COL11A1: variants seen among roughly 807,000 people sequenced by gnomAD.
COL11A1 encodes collagen type XI alpha 1 chain, also known as collagen alpha-1(XI) chain.
A neutral mutation model predicts 265.2 loss-of-function variants in COL11A1; 74 were observed. That is an observed-to-expected ratio of 0.28 (90% confidence interval 0.23 to 0.34). The LOEUF (loss-of-function observed/expected upper bound fraction) is 0.34, where lower values mean the gene tolerates loss of function less well. COL11A1 is among the 10% of genes least tolerant of loss of function. The pLI is 1.00. For missense variants in COL11A1, 2,165 were observed against 2,263.6 expected, an observed-to-expected ratio of 0.96 and a Z score of 0.88; for synonymous variants, 816 against 727.6, an observed-to-expected ratio of 1.12 and a Z score of -1.96.
intron 41 of COL11A1, among the ~76,000 whole-genome samples, chr1:102,953,252 T>C (rs1049218988): frequency 1.3e-5 from 2 of 152,146 alleles, no homozygotes; most frequent in African/African-American, 4.8e-5. Flanking sequence ...TTTTGATTTT[T>C]CTTTTTTTTT....
rs1890044 is a variant in COL11A1 at position 103,104,389 on chromosome 1, T to C, written c.106+3684A>G. Among the ~76,000 whole-genome samples the C allele has an allele frequency of 2.9e-3, 449 of 152,238 alleles. 3 individuals carry two copies. Among genetic ancestry groups the C allele is most frequent in the African/African-American group, 9.1e-3 (378 of 41,572 alleles). ...GCTGTATTTTAAGGATAACTTAACA[T>C]GAACAACCATGTGGTTCTATTTTAG... On this transcript the variant is annotated intron_variant, in intron 1 of 66. Transcript: ENST00000370096.
rs546012657 is a variant in COL11A1, at chr1:103,059,434, T to C, written c.651+15184A>G. 4.6e-5 allele frequency among the ~76,000 whole-genome samples: 7 copies of C among 152,248 alleles called. No individual in the cohort carries two copies. The South Asian group carries it at 1.2e-3, about 27-fold the overall frequency. On this transcript the variant is annotated intron_variant, in intron 4 of 66. Coordinates refer to ENST00000370096, the MANE Select transcript of COL11A1 (RefSeq NM_001854.4). ...TATTAAAAAAAAACAAAACATAGTT[T>C]CTTTTACCCAGTGCATCATGTTCAC...
At chr1:103,026,633 T>C (rs573800622) in intron 5 of COL11A1, among the ~76,000 whole-genome samples, 1 of 152,294 alleles carries the variant, frequency 6.6e-6, no homozygotes, top group East Asian at 1.9e-4. Flanking sequence ...ACACAGTAAT[T>C]ATGTACTTGG....
intron 4 of COL11A1, among the ~76,000 whole-genome samples, chr1:103,044,056 T>A (rs1030108879): frequency 1.3e-5 from 2 of 152,052 alleles, no homozygotes; most frequent in African/African-American, 4.8e-5. Flanking sequence ...AAATCTTAAA[T>A]GTGGCATAAA....
At chr1:103,044,205 T>C (rs1401778114) in intron 4 of COL11A1, among the ~76,000 whole-genome samples, 5 of 152,008 alleles carry the variant, frequency 3.3e-5, no homozygotes, top group Non-Finnish European at 7.4e-5. Context: ...TTAATGATTT[T>C]TTTTTCTCAA....
At chr1:102,994,547 A>G (rs1371726907) in intron 28 of COL11A1, among the ~76,000 whole-genome samples, 1 of 152,114 alleles carries the variant, frequency 6.6e-6, no homozygotes, top group Non-Finnish European at 1.5e-5. Context: ...CACAACCATA[A>G]GCCAATTAAA....
chr1:102,903,866 T>C (rs1481781930), intron 54 of COL11A1, among the ~76,000 whole-genome samples: 4 of 152,176 alleles, frequency 2.6e-5, no homozygotes, highest in Non-Finnish European at 5.9e-5. Context: ...TTATGTACAG[T>C]ACTTTCTTCT....
chr1:103,027,186 A>G (rs902123048), intron 5 of COL11A1, among the ~76,000 whole-genome samples: 3 of 151,104 alleles, frequency 2.0e-5, no homozygotes, highest in Non-Finnish European at 4.4e-5. Context: ...GTTTCTTAAT[A>G]GAGGGAGTTA....
chr1:103,048,364 C>A (rs939995914), intron 4 of COL11A1, among the ~76,000 whole-genome samples: 1 of 152,162 alleles, frequency 6.6e-6, no homozygotes, highest in Non-Finnish European at 1.5e-5. Context: ...TTATCCATTT[C>A]TTCTAGATTT....
intron 37 of COL11A1, among the ~76,000 whole-genome samples, chr1:102,967,626 T>C (rs1661574614): frequency 6.6e-6 from 1 of 152,190 alleles, no homozygotes; most frequent in Non-Finnish European, 1.5e-5. Flanking sequence ...TTTGCTTTGA[T>C]AATGTATCCT....
At chr1:103,067,552 C>T (rs1004464855) in intron 4 of COL11A1, among the ~76,000 whole-genome samples, 12 of 151,576 alleles carry the variant, frequency 7.9e-5, no homozygotes, top group African/African-American at 1.7e-4. Context: ...AGTAATAACC[C>T]TATACTTTGA....
chr1:102,970,206 C>G lies in COL11A1; in HGVS notation c.2862+13G>C, dbSNP rs1260611979. 1 of 1,611,042 alleles carries G rather than the reference C, an allele frequency of 6.2e-7. No homozygotes were observed. Among genetic ancestry groups the G allele is most frequent in the Non-Finnish European group, 8.5e-7 (1 of 1,177,926 alleles). On this transcript the variant is annotated intron_variant, in intron 37 of 66. Coordinates refer to ENST00000370096, the MANE Select transcript of COL11A1 (RefSeq NM_001854.4). The stretch of plus-strand genomic sequence containing the variant: ...AGATGGAAATTTTTAATAAGAGTAA[C>G]AAGGTCACTTACAGTCTCCCCACGT...
At chr1:102,888,490 T>G in intron 62 of COL11A1, 87 bp downstream of exon 62, 4 of 1,309,574 alleles carry the variant, frequency 3.1e-6, no homozygotes, top group Non-Finnish European at 4.4e-6. Flanking sequence ...AGAATGTGCT[T>G]TTTGTCTATC....
intron 4 of COL11A1, among the ~76,000 whole-genome samples, chr1:103,042,729 T>C (rs1668909199): frequency 6.6e-6 from 1 of 151,998 alleles, no homozygotes; most frequent in Admixed American, 6.6e-5. Context: ...TCAGTATTTA[T>C]GCCCCTTGCC....
intron 38 of COL11A1, among the ~76,000 whole-genome samples, chr1:102,963,719 T>C (rs544282988): frequency 1.0e-3 from 156 of 152,258 alleles, no homozygotes; most frequent in African/African-American, 3.4e-3. Context: ...TTAAATTTCT[T>C]TAATTATACA....
chr1:103,001,622 A>G lies in COL11A1; in HGVS notation c.2142+303T>C, dbSNP rs187446653. On this transcript the variant is annotated intron_variant, in intron 24 of 66. Transcript: ENST00000370096. ...ACTTTTTTGTAAAATAATGAGAAAG[A>G]AAAGGAGACCTAAAATAAAGAGAAA... 24 of 460,620 alleles carry G rather than the reference A, an allele frequency of 5.2e-5. No homozygotes were observed. In the East Asian group the frequency reaches 6.6e-4, roughly 13 times the overall value. The allele number at this position is 460,620 out of a possible 1,614,324, so 28.5% of individuals were successfully genotyped here.
At chr1:102,898,609 T>G (rs1049017590) in intron 56 of COL11A1, 57 bp downstream of exon 56, 2 of 1,447,832 alleles carry the variant, frequency 1.4e-6, no homozygotes, top group South Asian at 2.4e-5. Flanking sequence ...CATTCAAAAT[T>G]TTTTTAAAAT....
At chr1:102,898,860 T>C (rs1399162493) in intron 55 of COL11A1, 81 bp downstream of exon 55, 2 of 1,321,116 alleles carry the variant, frequency 1.5e-6, no homozygotes, top group Non-Finnish European at 2.1e-6. Context: ...AGTAGATCAG[T>C]TTATGCATGA....
chr1:103,021,779 G>A lies in COL11A1; in HGVS notation c.1246-10C>T. The A allele has an allele frequency of 6.3e-7, 1 of 1,589,840 alleles. No homozygotes were observed. Among genetic ancestry groups the A allele is most frequent in the South Asian group, 1.1e-5 (1 of 90,592 alleles). On this transcript the variant is annotated splice_polypyrimidine_tract_variant and intron_variant, in intron 8 of 66. Transcript: ENST00000370096. The stretch of plus-strand genomic sequence containing the variant: ...CACCATGGCCATTTATCTGTTGAAT[G>A]AAATATTCAAAACAGCCTAAATGTC...
Sources: allele counts gnomAD v4.1 joint callset (sites outside exome capture counted in the v4.1 genomes callset), GRCh38; gene constraint gnomAD v4.1.1; transcripts MANE v1.5; gene names NCBI Gene and HGNC (gene_info 2026-07-23, HGNC 2026-07-21).